The following ZNF253 variants were observed in gnomAD, a reference collection of about 807,000 sequenced individuals.
ZNF253 encodes the protein DNA-binding protein.
ZNF253 carries 8 observed loss-of-function variants against 11.9 expected under a neutral mutation model. The ratio of observed to expected loss-of-function variants is 0.67; its 90% confidence interval spans 0.40 to 1.22. The LOEUF (loss-of-function observed/expected upper bound fraction) is 1.22. ZNF253 is among the 50% of genes most tolerant of loss of function. The pLI is 0.01. For synonymous variants in ZNF253, 194 were observed against 194.9 expected (o/e 1.00, Z 0.04); for missense variants, 485 against 586.9 (o/e 0.83, Z 1.79).
In ZNF253 at chr19:19,878,596, T is replaced by A; in HGVS notation, c.119T>A (p.Leu40Ter). The change falls in exon 2 of 4, where the codon TTG (leucine) becomes TAG (stop). Residue 40 changes from leucine to a stop codon, truncating the protein, a stop_gained. Coordinates refer to ENST00000589717, the MANE Select transcript of ZNF253 (RefSeq NM_021047.3). LOFTEE classifies it high-confidence loss of function. The part of the protein sequence containing the change: ...RDVMLENYRN[L>*]VFLGIVVSKP... ...GTGATGTTAGAGAACTACAGAAACT[T>A]GGTCTTCCTTGGTGAGGACAACTTG... The A allele has an allele frequency of 6.2e-7, 1 of 1,613,182 alleles. No homozygotes were observed. The highest frequency in any genetic ancestry group is 8.5e-7 in the Non-Finnish European group (1 of 1,179,650).
intron 3 of ZNF253, among the ~76,000 whole-genome samples, chr19:19,891,007 A>ATTTTTTTTTTTTTTTTTTT (rs1568501169): frequency 3.3e-5 from 5 of 149,812 alleles, no homozygotes; most frequent in African/African-American, 1.3e-4. Context: ...TGTCTGGCTA[A>ATTTTTTTTTTTTTTTTTTT]TTTTTTGTAT....
At chr19:19,868,659 ACT>A (rs958628671) in intron 1 of ZNF253, among the ~76,000 whole-genome samples, 1 of 151,562 alleles carries the variant, frequency 6.6e-6, no homozygotes, top group African/African-American at 2.4e-5. Context: ...GAGTTCAAAA[ACT>A]CTTTAAAAAG....
At chr19:19,882,294 T>A (rs1235910933) in intron 3 of ZNF253, among the ~76,000 whole-genome samples, 3 of 152,172 alleles carry the variant, frequency 2.0e-5, no homozygotes, top group African/African-American at 7.2e-5. Flanking sequence ...CAAGTTTTCA[T>A]AAACTGATTT....
intron 3 of ZNF253, among the ~76,000 whole-genome samples, chr19:19,880,362 G>T (rs2063172920): frequency 6.7e-6 from 1 of 149,400 alleles, no homozygotes; most frequent in African/African-American, 2.5e-5. Flanking sequence ...CCTTTGGTGA[G>T]CTTCCTTCAG....
In ZNF253 at chr19:19,892,963, A is replaced by C. The variant is rs1396055265; in HGVS notation, c.*216A>C. ...GTGAAGAATGTGGCAAAACCTATAA[A>C]CCTATAACAAGTTCTCAATTCCTTT... On this transcript the variant is annotated 3_prime_UTR_variant, in exon 4 of 4. Coordinates refer to ENST00000589717, the MANE Select transcript of ZNF253 (RefSeq NM_021047.3). 9.8e-6 allele frequency: 5 copies of C among 512,326 alleles called. No individual in the cohort carries two copies. Among genetic ancestry groups the C allele is most frequent in the Admixed American group, 7.3e-5 (2 of 27,406 alleles). 31.7% of individuals were successfully genotyped at this position (512,326 alleles called of 1,614,324 possible).
Position 19,892,266 on chromosome 19 carries a change from A to G in ZNF253, c.1019A>G (p.Tyr340Cys), listed in dbSNP as rs2063234858. 1 of 1,611,590 alleles carries G rather than the reference A, an allele frequency of 6.2e-7. No homozygotes were observed. The highest frequency in any genetic ancestry group is 1.7e-5 in the Admixed American group (1 of 59,940). The change falls in exon 4 of 4, where the codon TAC becomes TGC. Residue 340 changes from tyrosine (Y) to cysteine (C), a missense_variant. Physicochemically the swap from Tyr to Cys is radical, Grantham distance 194. Transcript: ENST00000589717. Reference sequence around the variant, plus strand: ...AGAATTCATACAGGAGAGAAACCCTACAAATGTGAAGAATGTGGCAAAGCC... The same window carrying G: ...AGAATTCATACAGGAGAGAAACCCTGCAAATGTGAAGAATGTGGCAAAGCC... Reference protein sequence around the residue: ...HKRIHTGEKPYKCEECGKAFH... With the variant: ...HKRIHTGEKPCKCEECGKAFH...
At chr19:19,886,106 C>T (rs1180713295) in intron 3 of ZNF253, among the ~76,000 whole-genome samples, 1 of 152,162 alleles carries the variant, frequency 6.6e-6, no homozygotes, top group Non-Finnish European at 1.5e-5. Context: ...GATTCTTTCA[C>T]ATCAGTTTCC....
chr19:19,887,780 T>TC (rs1193783441), intron 3 of ZNF253, among the ~76,000 whole-genome samples: 33 of 149,372 alleles, frequency 2.2e-4, no homozygotes, highest in African/African-American at 8.1e-4. Context: ...TTTTTTTTTT[T>TC]TTTTTTTTTT....
At chr19:19,880,316 TCTTATG>T (rs1428995902) in intron 3 of ZNF253, among the ~76,000 whole-genome samples, 170 bp downstream of exon 3, 21 of 149,246 alleles carry the variant, frequency 1.4e-4, no homozygotes, top group Admixed American at 1.3e-3. Context: ...GCATCTTCTG[TCTTATG>T]CTTTTAAATT....
intron 2 of ZNF253, among the ~76,000 whole-genome samples, chr19:19,879,336 A>T (rs1329353326): frequency 6.6e-6 from 1 of 152,200 alleles, no homozygotes; most frequent in Non-Finnish European, 1.5e-5. Flanking sequence ...TTTTAACTAT[A>T]ATTTTTCTCT....
rs1568503019 is a variant in ZNF253, at chr19:19,893,756, T to C, written c.*1009T>C. ...TTTCAGAAAATAGAAGTCTTTAAAG[T>C]GAAGAATATTTATTCTGAAGACAGC... is the stretch of plus-strand genomic sequence containing the variant. On this transcript the variant is annotated 3_prime_UTR_variant, in exon 4 of 4. Transcript: ENST00000589717. 1 of 152,312 alleles carries C rather than the reference T, an allele frequency of 6.6e-6. No individual in the cohort carries two copies. Among genetic ancestry groups the C allele is most frequent in the East Asian group, 1.9e-4 (1 of 5,186 alleles). 9.4% of individuals were successfully genotyped at this position (152,312 alleles called of 1,614,324 possible).
At chr19:19,877,432 A>G (rs1429121934) in intron 1 of ZNF253, among the ~76,000 whole-genome samples, 4 of 150,624 alleles carry the variant, frequency 2.7e-5, no homozygotes, top group African/African-American at 9.8e-5. Context: ...CTGGAGTGCA[A>G]TGGTGCAATC....
At chr19:19,885,366 T>TTC (rs1568499341) in intron 3 of ZNF253, among the ~76,000 whole-genome samples, 41 of 94,776 alleles carry the variant, frequency 4.3e-4, no homozygotes, top group South Asian at 9.8e-4. Context: ...TCCTTTCTTT[T>TTC]CTTTCTTTTC....
Position 19,892,216 on chromosome 19 carries a change from C to G in ZNF253, c.969C>G (p.His323Gln). ...NCEECGKSFK[H>Q]CSNLTIHKRI... ...AAGAATGTGGCAAATCCTTTAAGCA[C>G]TGCTCTAACCTTACTATACATAAGA... Residue 323 changes from histidine (H) to glutamine (Q), a missense_variant, in exon 4 of 4, where the codon CAC (histidine) becomes CAG (glutamine). By Grantham distance (24) the His-to-Gln change is conservative (BLOSUM62 0). This residue lies in a region of ZNF253 where 232 missense variants were observed against 321.4 expected (regional missense o/e 0.72). Coordinates refer to ENST00000589717, the MANE Select transcript of ZNF253 (RefSeq NM_021047.3). The G allele has an allele frequency of 6.2e-7, 1 of 1,611,562 alleles. No homozygotes were observed. The highest frequency in any genetic ancestry group is 1.1e-5 in the South Asian group (1 of 90,886).
chr19:19,878,701 A>C, intron 2 of ZNF253, 94 bp downstream of exon 2: 4 of 1,443,608 alleles, frequency 2.8e-6, no homozygotes, highest in Non-Finnish European at 3.7e-6. Flanking sequence ...TTCTTTGCAA[A>C]GTGGTAGAAT....
chr19:19,866,181 C>G (rs1316846317), intron 1 of ZNF253, among the ~76,000 whole-genome samples, 182 bp downstream of exon 1: 1 of 152,144 alleles, frequency 6.6e-6, no homozygotes, highest in Non-Finnish European at 1.5e-5. Flanking sequence ...CATCCGGGGC[C>G]CGGCACAGTG....
Position 19,892,980 on chromosome 19 carries a change from A to C in ZNF253, c.*233A>C. ...ACCTATAAACCTATAACAAGTTCTC[A>C]ATTCCTTTTTTTTTGAGATGGAGTT... is the stretch of plus-strand genomic sequence containing the variant. On this transcript the variant is annotated 3_prime_UTR_variant, in exon 4 of 4. Transcript: ENST00000589717. The C allele has an allele frequency of 6.7e-6, 3 of 448,028 alleles. No homozygotes were observed. Among genetic ancestry groups the C allele is most frequent in the East Asian group, 3.7e-5 (1 of 26,988 alleles). 27.8% of individuals were successfully genotyped at this position (448,028 alleles called of 1,614,324 possible). A position where few individuals can be genotyped will look rare whatever the true frequency, so the allele number is the denominator to read the frequency against.
At chr19:19,883,142 AT>A (rs751997083) in intron 3 of ZNF253, among the ~76,000 whole-genome samples, 23 of 151,708 alleles carry the variant, frequency 1.5e-4, no homozygotes, top group Non-Finnish European at 2.5e-4. Flanking sequence ...AGATAGTTTT[AT>A]TTTTTCCATG....
chr19:19,890,109 A>T (rs989851315), intron 3 of ZNF253, among the ~76,000 whole-genome samples: 22 of 152,218 alleles, frequency 1.4e-4, no homozygotes, highest in African/African-American at 5.1e-4. Context: ...AATCTTTATA[A>T]TATAGTTTTG....
Sources: allele counts gnomAD v4.1 joint callset (sites outside exome capture counted in the v4.1 genomes callset), GRCh38; gene constraint gnomAD v4.1.1; regional missense constraint gnomAD v4.1.1; transcripts MANE v1.5; gene names NCBI Gene and HGNC (gene_info 2026-07-23, HGNC 2026-07-21).